The following HHIP variants were observed in gnomAD, a reference collection of about 807,000 sequenced individuals.
The protein encoded by HHIP is hedgehog interacting protein.
Under a neutral mutation model 74.0 loss-of-function variants are expected in HHIP, and 12 were observed. The ratio of observed to expected loss-of-function variants is 0.16; its 90% confidence interval spans 0.10 to 0.26. The LOEUF (loss-of-function observed/expected upper bound fraction) is 0.26, where lower values mean the gene tolerates loss of function less well. Among genes scored for constraint, HHIP ranks in the 10% least tolerant of loss-of-function variants. The pLI is 1.00. For synonymous variants in HHIP, 309 were observed against 311.6 expected, an observed-to-expected ratio of 0.99 and a Z score of 0.09; for missense variants, 788 against 845.0, an observed-to-expected ratio of 0.93 and a Z score of 0.84.
intron 7 of HHIP, among the ~76,000 whole-genome samples, chr4:144,710,333 T>TTGTCTTC (rs2126658535): frequency 6.6e-6 from 1 of 152,302 alleles, no homozygotes; most frequent in East Asian, 1.9e-4. Flanking sequence ...CTGCCAGGCA[T>TTGTCTTC]TGTCTTCTGT....
intron 11 of HHIP, among the ~76,000 whole-genome samples, chr4:144,721,594 GA>G (rs34173170): frequency 0.55 from 71,978 of 130,244 alleles, 19,246 homozygotes; most frequent in South Asian, 0.75. Context: ...GTTATTTAAG[GA>G]AAAAAAAAAA....
chr4:144,720,079 G>A (rs1346324168), intron 11 of HHIP, among the ~76,000 whole-genome samples: 1 of 152,064 alleles, frequency 6.6e-6, no homozygotes, highest in Non-Finnish European at 1.5e-5. Flanking sequence ...CATATCACAG[G>A]TTGATAACAT....
At chr4:144,673,924 GA>G (rs1202101308) in intron 4 of HHIP, among the ~76,000 whole-genome samples, 1 of 152,148 alleles carries the variant, frequency 6.6e-6, no homozygotes, top group Non-Finnish European at 1.5e-5. Flanking sequence ...ACCTGCATCT[GA>G]ATCTATGGAA....
chr4:144,654,271 C>T (rs1001501250), intron 2 of HHIP, among the ~76,000 whole-genome samples: 4 of 152,124 alleles, frequency 2.6e-5, no homozygotes, highest in Non-Finnish European at 4.4e-5. Context: ...GCAAGCACCT[C>T]GCTCCCCAGA....
intron 1 of HHIP, among the ~76,000 whole-genome samples, chr4:144,651,170 A>G (rs1229673368): frequency 6.6e-6 from 1 of 152,178 alleles, no homozygotes; most frequent in Admixed American, 6.5e-5. Flanking sequence ...TGGAATGCAC[A>G]TTCTAAGTGT....
At chr4:144,647,483 G>C (rs1578671216) in intron 1 of HHIP, among the ~76,000 whole-genome samples, 1 of 152,212 alleles carries the variant, frequency 6.6e-6, no homozygotes, top group African/African-American at 2.4e-5. Context: ...CCAACAGAAA[G>C]GAACTCCTGG....
rs1021018981 is a variant in HHIP, at chr4:144,683,215, G to A, written c.832-23316G>A. Among the ~76,000 whole-genome samples the A allele has an allele frequency of 8.5e-5, 13 of 152,114 alleles. 1 individual carries two copies. Among genetic ancestry groups the A allele is most frequent in the Non-Finnish European group, 7.4e-5 (5 of 68,006 alleles). On this transcript the variant is annotated intron_variant, in intron 4 of 12. Transcript: ENST00000296575. ...TTTCCTGTTTTCTATCTAAAATAAA[G>A]AAGCTTGGATCAGATTGAACAGAAA...
Position 144,658,843 on chromosome 4 carries a change from G to C in HHIP, c.526G>C (p.Gly176Arg). ...EFCFYYARKDGGLCFPDFPRK... is the reference protein window; with the variant it reads ...EFCFYYARKDRGLCFPDFPRK... Reference sequence around the variant, plus strand: ...TTGCTTTTACTATGCAAGAAAAGATGGTGGGTTGTGCTTTCCAGATTTTCC... The same window carrying C: ...TTGCTTTTACTATGCAAGAAAAGATCGTGGGTTGTGCTTTCCAGATTTTCC... The change falls in exon 3 of 13, where the codon GGT becomes CGT. Residue 176 changes from glycine to arginine, a missense_variant. By Grantham distance (125) the Gly-to-Arg change is moderately radical. Transcript: ENST00000296575. 1 of 1,613,714 alleles carries C rather than the reference G, an allele frequency of 6.2e-7. No individual in the cohort carries two copies. The highest frequency in any genetic ancestry group is 1.3e-5 in the African/African-American group (1 of 75,028).
intron 9 of HHIP, 194 bp from the exon 10 acceptor site, chr4:144,715,106 A>G (rs1730408387): frequency 1.1e-5 from 5 of 475,370 alleles, no homozygotes; most frequent in South Asian, 5.5e-5. Flanking sequence ...ACAAAATACT[A>G]TCTTTAAGTA....
chr4:144,728,638 T>A (rs895602599), intron 11 of HHIP, among the ~76,000 whole-genome samples: 2 of 152,156 alleles, frequency 1.3e-5, no homozygotes, highest in African/African-American at 4.8e-5. Context: ...AGGAAGGTAT[T>A]CCTTAAAAAT....
At chr4:144,677,079 T>C (rs1227341157) in intron 4 of HHIP, among the ~76,000 whole-genome samples, 2 of 152,132 alleles carry the variant, frequency 1.3e-5, no homozygotes, top group African/African-American at 4.8e-5. Flanking sequence ...GCAAGGACAG[T>C]TATGGCCAGC....
At chr4:144,711,093 C>A (rs1730284164) in intron 7 of HHIP, among the ~76,000 whole-genome samples, 2 of 152,120 alleles carry the variant, frequency 1.3e-5, no homozygotes, top group South Asian at 4.1e-4. Flanking sequence ...CACAGAGATA[C>A]TCTGGCCCCC....
intron 1 of HHIP, chr4:144,650,778 C>G (rs537251798): frequency 6.6e-6 from 1 of 152,254 alleles, no homozygotes; most frequent in East Asian, 1.9e-4. Context: ...TTGAATCCTA[C>G]TTCTGAAATG....
At chr4:144,719,852 A>G (rs566622174) in intron 11 of HHIP, among the ~76,000 whole-genome samples, 8 of 152,244 alleles carry the variant, frequency 5.3e-5, no homozygotes, top group Non-Finnish European at 1.0e-4. Flanking sequence ...TTACAATTCA[A>G]GTCTTTTTCA....
Position 144,681,669 on chromosome 4 carries a change from C to T in HHIP, c.831+21831C>T, listed in dbSNP as rs183827925. Among the ~76,000 whole-genome samples the T allele has an allele frequency of 1.9e-4, 29 of 152,228 alleles. 1 individual carries two copies. The East Asian group carries it at 4.6e-3, about 24-fold the overall frequency. ...TGATCTCCTGACCTTGTGATCTTCC[C>T]GCCTCGGCCTCCCAACGTGCTGGGA... is the stretch of plus-strand genomic sequence containing the variant. On this transcript the variant is annotated intron_variant, in intron 4 of 12. Coordinates refer to ENST00000296575, the MANE Select transcript of HHIP (RefSeq NM_022475.3).
Position 144,708,574 on chromosome 4 carries a change from G to C in HHIP, c.1301+263G>C, listed in dbSNP as rs1420763922. On this transcript the variant is annotated intron_variant, in intron 7 of 12. Coordinates refer to ENST00000296575, the MANE Select transcript of HHIP (RefSeq NM_022475.3). ...AAAATTTCACCTTAAAATGTGGAGA[G>C]GTTATTATCAGATAAACACTATTGG... Among the ~76,000 whole-genome samples the C allele has an allele frequency of 2.0e-5, 3 of 152,250 alleles. No individual in the cohort carries two copies. In the East Asian group the frequency reaches 5.8e-4, roughly 29 times the overall value.
At chr4:144,713,882 C>T (rs1730368399) in intron 8 of HHIP, among the ~76,000 whole-genome samples, 1 of 151,718 alleles carries the variant, frequency 6.6e-6, no homozygotes, top group South Asian at 2.1e-4. Context: ...GTATGTAAAG[C>T]CTTAAATGTT....
intron 4 of HHIP, among the ~76,000 whole-genome samples, chr4:144,662,560 T>C (rs1728744652): frequency 6.6e-6 from 1 of 152,228 alleles, no homozygotes; most frequent in South Asian, 2.1e-4. Flanking sequence ...GTCAGGAATA[T>C]GTTTTTAAAA....
intron 11 of HHIP, among the ~76,000 whole-genome samples, chr4:144,728,984 A>C (rs1348213226): frequency 6.7e-6 from 1 of 150,254 alleles, no homozygotes; most frequent in Non-Finnish European, 1.5e-5. Flanking sequence ...ACTGACACTG[A>C]AGAAAGAAAC....
Sources: allele counts gnomAD v4.1 joint callset (sites outside exome capture counted in the v4.1 genomes callset), GRCh38; gene constraint gnomAD v4.1.1; transcripts MANE v1.5; gene names NCBI Gene and HGNC (gene_info 2026-07-23, HGNC 2026-07-21).